PPP1R12B: variants seen among roughly 807,000 people sequenced by gnomAD.
PPP1R12B encodes myosin phosphatase target subunit 2.
PPP1R12B carries 76 observed loss-of-function variants against 126.1 expected under a neutral mutation model. The ratio of observed to expected loss-of-function variants is 0.60; its 90% confidence interval spans 0.50 to 0.73. The LOEUF is 0.73. PPP1R12B is among the 30% of genes least tolerant of loss of function. The pLI is 0.00. For missense variants in PPP1R12B, 1,052 were observed against 1,205.1 expected (o/e 0.87, Z 1.88); for synonymous variants, 356 against 434.7 (o/e 0.82, Z 2.25).
intron 18 of PPP1R12B, among the ~76,000 whole-genome samples, chr1:202,522,357 G>A (rs1682865255): frequency 1.3e-5 from 2 of 152,032 alleles, no homozygotes; most frequent in African/African-American, 4.8e-5. Flanking sequence ...CTTGTTTTGA[G>A]TAGAAAAGAT....
At chr1:202,563,020 C>A in intron 20 of PPP1R12B, 98 bp downstream of exon 20, 1 of 1,338,534 alleles carries the variant, frequency 7.5e-7, no homozygotes, top group Non-Finnish European at 9.9e-7. Context: ...TCTGAATAAG[C>A]AGAAGAAAAG....
At chr1:202,497,618 C>T (rs1400430716) in intron 18 of PPP1R12B, among the ~76,000 whole-genome samples, 1 of 152,146 alleles carries the variant, frequency 6.6e-6, no homozygotes, top group East Asian at 1.9e-4. Context: ...TGTCATTGAT[C>T]TGCCTATATT....
chr1:202,517,264 A>G (rs1278414789), intron 18 of PPP1R12B, among the ~76,000 whole-genome samples: 1 of 152,234 alleles, frequency 6.6e-6, no homozygotes, highest in African/African-American at 2.4e-5. Flanking sequence ...GCACCCACAG[A>G]CAAATATCAC....
chr1:202,568,348 G>A (rs1164874104), intron 22 of PPP1R12B, among the ~76,000 whole-genome samples: 1 of 152,110 alleles, frequency 6.6e-6, no homozygotes, highest in Non-Finnish European at 1.5e-5. Flanking sequence ...TTCAATTGCT[G>A]ATCTCCTCCC....
Position 202,351,243 on chromosome 1 carries a change from A to T in PPP1R12B, c.291+2101A>T, listed in dbSNP as rs912605365. 2.7e-3 allele frequency among the ~76,000 whole-genome samples: 310 copies of T among 113,102 alleles called. 2 individuals carry two copies. Among genetic ancestry groups the T allele is most frequent in the African/African-American group, 0.011 (281 of 25,546 alleles). 74.2% of individuals were successfully genotyped at this position (113,102 alleles called of 152,430 possible). ...GTTGTTGTTGTTGTTGTTGTTGTTT[A>T]AAAAAAAAAAAAACAGTGTCTCACT... On this transcript the variant is annotated intron_variant, in intron 1 of 23. Coordinates refer to ENST00000608999, the MANE Select transcript of PPP1R12B (RefSeq NM_002481.4).
chr1:202,452,985 G>T (rs535241432), intron 13 of PPP1R12B, among the ~76,000 whole-genome samples: 6 of 152,180 alleles, frequency 3.9e-5, no homozygotes, highest in African/African-American at 1.4e-4. Context: ...TCTCTTGTCC[G>T]ATTGCTCTAG....
At chr1:202,535,671 G>A (rs1465910622) in intron 18 of PPP1R12B, among the ~76,000 whole-genome samples, 1 of 152,064 alleles carries the variant, frequency 6.6e-6, no homozygotes, top group Non-Finnish European at 1.5e-5. Flanking sequence ...AAATAAAATA[G>A]ATGAACTCAA....
chr1:202,414,015 G>A (rs1667746021), intron 1 of PPP1R12B, among the ~76,000 whole-genome samples: 1 of 152,114 alleles, frequency 6.6e-6, no homozygotes, highest in Admixed American at 6.5e-5. Flanking sequence ...TCTGCCTCCT[G>A]GGTTCAAGCG....
chr1:202,407,609 T>C (rs970504993), intron 1 of PPP1R12B, among the ~76,000 whole-genome samples: 7 of 152,196 alleles, frequency 4.6e-5, no homozygotes, highest in African/African-American at 1.2e-4. Context: ...TCACCTGTCA[T>C]GTTGGAGCAG....
rs1668543684 is a variant in PPP1R12B, at chr1:202,419,947, C to T, written c.423-2673C>T. ...GTCACATTCCTGAATTCACATGTTG[C>T]CAGAGAAAAGGAGCAAGTAGGGGAA... On this transcript the variant is annotated intron_variant, in intron 2 of 23. Transcript: ENST00000608999. This position sits in a 1 kb window ranked among gnomAD's most constrained non-coding sequence, Gnocchi z 4.6. 6.6e-6 allele frequency among the ~76,000 whole-genome samples: 1 copy of T among 152,108 alleles called. No individual in the cohort carries two copies. Among genetic ancestry groups the T allele is most frequent in the African/African-American group, 2.4e-5 (1 of 41,414 alleles).
chr1:202,366,822 T>C (rs1405147930), intron 1 of PPP1R12B, among the ~76,000 whole-genome samples: 1 of 152,170 alleles, frequency 6.6e-6, no homozygotes, highest in Non-Finnish European at 1.5e-5. Flanking sequence ...ACCTCACTGA[T>C]TGTTAAACAA....
intron 3 of PPP1R12B, 28 bp from the exon 4 acceptor site, chr1:202,425,538 C>T (rs1669391093): frequency 6.2e-7 from 1 of 1,608,068 alleles, no homozygotes; most frequent in Non-Finnish European, 8.5e-7. Context: ...TTTAGTAATC[C>T]TGGCTGTCTG....
chr1:202,533,877 T>G (rs912208222), intron 18 of PPP1R12B, among the ~76,000 whole-genome samples: 2 of 152,254 alleles, frequency 1.3e-5, no homozygotes, highest in African/African-American at 4.8e-5. Context: ...TAATAAATGT[T>G]GTCTGATGTG....
In PPP1R12B at chr1:202,455,203, T is replaced by G. The variant is rs545174472; in HGVS notation, c.1850+6032T>G. Among the ~76,000 whole-genome samples the G allele has an allele frequency of 4.0e-3, 496 of 123,006 alleles. 3 individuals carry two copies. The highest frequency in any genetic ancestry group is 0.011 in the African/African-American group (448 of 40,032). 80.7% of individuals were successfully genotyped at this position (123,006 alleles called of 152,430 possible). On this transcript the variant is annotated intron_variant, in intron 13 of 23. Transcript: ENST00000608999. ...GGTAGGAGCTATATACATATATATA[T>G]ATAGAGAGAGAGAGAGAGAATTCAC... is the stretch of plus-strand genomic sequence containing the variant.
intron 1 of PPP1R12B, among the ~76,000 whole-genome samples, chr1:202,355,565 G>A (rs1412997993): frequency 6.6e-6 from 1 of 152,098 alleles, no homozygotes; most frequent in African/African-American, 2.4e-5. Flanking sequence ...AGAGAGTCAG[G>A]GTGACATCCT....
chr1:202,457,260 A>AT (rs1006812331), intron 13 of PPP1R12B, among the ~76,000 whole-genome samples: 4 of 152,244 alleles, frequency 2.6e-5, no homozygotes, highest in East Asian at 1.9e-4. Flanking sequence ...CAAAGAAAAC[A>AT]TTTTTTTGGC....
intron 23 of PPP1R12B, chr1:202,576,331 T>C (rs974008929): frequency 6.6e-6 from 1 of 152,212 alleles, no homozygotes; most frequent in African/African-American, 2.4e-5. Context: ...ACCACTCCTC[T>C]GAGATGAATT....
intron 13 of PPP1R12B, among the ~76,000 whole-genome samples, chr1:202,452,613 G>T (rs968230616): frequency 3.3e-5 from 5 of 151,720 alleles, no homozygotes; most frequent in Non-Finnish European, 7.4e-5. Flanking sequence ...GGAGAAGGGG[G>T]TTTACTTTCT....
At chr1:202,572,927 C>T (rs1436187994) in intron 23 of PPP1R12B, among the ~76,000 whole-genome samples, 1 of 152,196 alleles carries the variant, frequency 6.6e-6, no homozygotes, top group African/African-American at 2.4e-5. Context: ...CAGATTGTTT[C>T]CTGCCTCTCT....
Sources: allele counts gnomAD v4.1 joint callset (sites outside exome capture counted in the v4.1 genomes callset), GRCh38; gene constraint gnomAD v4.1.1; non-coding constraint Gnocchi (gnomAD v3.1); transcripts MANE v1.5; gene names NCBI Gene and HGNC (gene_info 2026-07-23, HGNC 2026-07-21).